Variants in SHANK2 observed in about 807,000 individuals in gnomAD.
The protein encoded by SHANK2 is SH3 and multiple ankyrin repeat domains protein 2.
A neutral mutation model predicts 133.7 loss-of-function variants in SHANK2; 43 were observed. The observed-to-expected ratio is 0.32, with a 90% confidence interval of 0.25 to 0.41. The LOEUF is 0.41. Among genes scored for constraint, SHANK2 ranks in the 10% least tolerant of loss-of-function variants. SHANK2 has a pLI of 1.00. For missense variants in SHANK2, 1,994 were observed against 2,235.8 expected (o/e 0.89, Z 2.18); for synonymous variants, 1,017 against 952.8 (o/e 1.07, Z -1.24).
chr11:71,189,710 T>C (rs1349307093), intron 2 of SHANK2, among the ~76,000 whole-genome samples: 1 of 152,242 alleles, frequency 6.6e-6, no homozygotes, highest in Non-Finnish European at 1.5e-5. Flanking sequence ...AACTTTACCA[T>C]GAGCCCACCA....
intron 2 of SHANK2, among the ~76,000 whole-genome samples, chr11:71,210,997 C>T (rs1335696749): frequency 6.6e-6 from 1 of 152,130 alleles, no homozygotes; most frequent in Non-Finnish European, 1.5e-5. Context: ...GCACCGCTGA[C>T]AGGATCCTGC....
At chr11:70,619,068 C>G (rs774634093) in intron 17 of SHANK2, among the ~76,000 whole-genome samples, 8 of 152,200 alleles carry the variant, frequency 5.3e-5, no homozygotes, top group Non-Finnish European at 1.2e-4. Flanking sequence ...GCTTTCTGCC[C>G]ATGGCCCTGC....
intron 14 of SHANK2, among the ~76,000 whole-genome samples, chr11:70,717,613 G>A (rs782678485): frequency 2.6e-5 from 4 of 152,098 alleles, no homozygotes; most frequent in African/African-American, 4.8e-5. Flanking sequence ...TCCCGTCCCC[G>A]CAGCTCTCGT....
chr11:70,746,043 G>A lies in SHANK2; in HGVS notation c.1778-47280C>T, dbSNP rs572512217. ...ACCCAGGGCCTGGGGGCTTTCATGG[G>A]AGTTACTGAAGGGAAAATCACACAG... On this transcript the variant is annotated intron_variant, in intron 14 of 25. Coordinates refer to ENST00000601538, the MANE Select transcript of SHANK2 (RefSeq NM_012309.5). Among the ~76,000 whole-genome samples, 23 of 152,318 alleles carry A rather than the reference G, an allele frequency of 1.5e-4. No individual in the cohort carries two copies. The South Asian group carries it at 4.6e-3, about 30-fold the overall frequency.
chr11:71,096,592 C>T (rs1590906936), intron 6 of SHANK2, among the ~76,000 whole-genome samples: 2 of 152,070 alleles, frequency 1.3e-5, no homozygotes, highest in African/African-American at 4.8e-5. Context: ...AGTGACTGAT[C>T]CTCGAAGGGC....
chr11:71,208,325 G>T (rs571587415), intron 2 of SHANK2, among the ~76,000 whole-genome samples: 1 of 152,076 alleles, frequency 6.6e-6, no homozygotes, highest in Non-Finnish European at 1.5e-5. Context: ...GGGGAAGTTG[G>T]GGGGAGAAGG....
At chr11:70,584,291 C>T (rs1277362226) in intron 17 of SHANK2, among the ~76,000 whole-genome samples, 1 of 152,164 alleles carries the variant, frequency 6.6e-6, no homozygotes, top group Non-Finnish European at 1.5e-5. Context: ...GTGTTCCGAT[C>T]CCGTGTGACA....
At position 70,521,852 on chromosome 11, in the gene SHANK2, G is replaced by A. The variant is rs147068397; in HGVS notation, c.2062-18921C>T. ...CCAGAGACGCTCCCTGCACCTGACT[G>A]CAGCCACATGTCCTCGCTGCAAGGC... On this transcript the variant is annotated intron_variant, in intron 17 of 25. Coordinates refer to ENST00000601538, the MANE Select transcript of SHANK2 (RefSeq NM_012309.5). Among the ~76,000 whole-genome samples, 360 of 152,344 alleles carry A rather than the reference G, an allele frequency of 2.4e-3. 4 individuals carry two copies. Among genetic ancestry groups the A allele is most frequent in the African/African-American group, 8.3e-3 (345 of 41,584 alleles).
intron 14 of SHANK2, among the ~76,000 whole-genome samples, chr11:70,729,360 G>A (rs1555031483): frequency 6.6e-6 from 1 of 151,624 alleles, no homozygotes; most frequent in African/African-American, 2.4e-5. Flanking sequence ...AAACAGACTG[G>A]TGGGCTCCAG....
intron 15 of SHANK2, among the ~76,000 whole-genome samples, chr11:70,666,512 G>A (rs181308362): frequency 1.2e-3 from 187 of 152,256 alleles, no homozygotes; most frequent in African/African-American, 4.3e-3. Context: ...GGCTGGGTCC[G>A]GAAGTTGTGG....
chr11:70,591,265 T>C (rs1162799397), intron 17 of SHANK2, among the ~76,000 whole-genome samples: 1 of 151,740 alleles, frequency 6.6e-6, no homozygotes, highest in Non-Finnish European at 1.5e-5. Context: ...GGCAGGAGAA[T>C]CGCTTGAATC....
chr11:71,109,282 G>C (rs1951851484), intron 6 of SHANK2, among the ~76,000 whole-genome samples: 1 of 152,156 alleles, frequency 6.6e-6, no homozygotes, highest in South Asian at 2.1e-4. Context: ...ACTGTCACCT[G>C]GGGTGACAGT....
At chr11:71,123,228 C>T (rs1334170176) in intron 3 of SHANK2, among the ~76,000 whole-genome samples, 1 of 152,192 alleles carries the variant, frequency 6.6e-6, no homozygotes, top group Non-Finnish European at 1.5e-5. Flanking sequence ...TGACACAGTA[C>T]AGGTGACTGA....
chr11:70,613,267 G>A (rs2060687506), intron 17 of SHANK2, among the ~76,000 whole-genome samples: 1 of 151,762 alleles, frequency 6.6e-6, no homozygotes, highest in Non-Finnish European at 1.5e-5. Context: ...ACAGTGGTGC[G>A]ATCTTGGCTC....
intron 3 of SHANK2, among the ~76,000 whole-genome samples, chr11:71,136,776 C>T (rs1952447562): frequency 1.3e-5 from 2 of 152,190 alleles, no homozygotes; most frequent in Non-Finnish European, 2.9e-5. Context: ...TCCACTGCAA[C>T]CCAGCATAAG....
chr11:70,787,558 C>T (rs546183539), intron 14 of SHANK2, among the ~76,000 whole-genome samples: 43 of 150,852 alleles, frequency 2.9e-4, no homozygotes, highest in Non-Finnish European at 8.9e-5. Flanking sequence ...TCACCATGAC[C>T]ATCACCATGA....
intron 17 of SHANK2, among the ~76,000 whole-genome samples, chr11:70,581,401 G>A (rs1201235857): frequency 6.6e-6 from 1 of 151,884 alleles, no homozygotes; most frequent in African/African-American, 2.4e-5. Flanking sequence ...GTACTTTAAA[G>A]CTAGCTAGGC....
At chr11:70,693,944 G>A (rs1945340737) in intron 15 of SHANK2, among the ~76,000 whole-genome samples, 2 of 152,180 alleles carry the variant, frequency 1.3e-5, no homozygotes, top group Admixed American at 1.3e-4. Context: ...GTGGATAGAT[G>A]AGTGATAGAA....
chr11:70,618,296 G>GGAA (rs368599688), intron 17 of SHANK2, among the ~76,000 whole-genome samples: 2 of 112,140 alleles, frequency 1.8e-5, no homozygotes, highest in Non-Finnish European at 3.6e-5. Flanking sequence ...CTCGGTCTCA[G>GGAA]AAAAAAAAAA....
Sources: gnomAD v4.1 joint callset for allele counts (sites outside exome capture counted in the v4.1 genomes callset) on GRCh38, gnomAD v4.1.1 for gene constraint, MANE v1.5 for transcripts, NCBI Gene and HGNC (gene_info 2026-07-23, HGNC 2026-07-21) for gene names.